SGPP2: variants seen among roughly 807,000 people sequenced by gnomAD.
The protein encoded by SGPP2 is sphingosine-1-phosphate phosphatase 2.
A neutral mutation model predicts 33.9 loss-of-function variants in SGPP2; 30 were observed. The ratio of observed to expected loss-of-function variants is 0.89; its 90% CI spans 0.66 to 1.20. The LOEUF (loss-of-function observed/expected upper bound fraction) is 1.20. Ranked by LOEUF, SGPP2 falls within the 50% of genes most tolerant of loss-of-function variation. The probability of loss-of-function intolerance (pLI) is 0.00; values close to 1 mark genes in which losing one functional copy is unlikely to be tolerated. For missense variants in SGPP2, 458 were observed against 532.1 expected (o/e 0.86, Z 1.37); for synonymous variants, 233 against 225.0 (o/e 1.04, Z -0.32).
intron 2 of SGPP2, among the ~76,000 whole-genome samples, chr2:222,486,005 G>A (rs556862609): frequency 6.6e-6 from 1 of 152,320 alleles, no homozygotes; most frequent in East Asian, 1.9e-4. Flanking sequence ...GCACAGGGTG[G>A]GGCTTCCCAG....
chr2:222,525,274 A>C (rs1467206460), intron 4 of SGPP2, among the ~76,000 whole-genome samples: 4 of 152,230 alleles, frequency 2.6e-5, no homozygotes, highest in Non-Finnish European at 5.9e-5. Flanking sequence ...AAAATGGGCT[A>C]GAACAGCGTT....
chr2:222,536,566 G>A (rs1440096041), intron 4 of SGPP2, among the ~76,000 whole-genome samples: 1 of 152,160 alleles, frequency 6.6e-6, no homozygotes, highest in Non-Finnish European at 1.5e-5. Context: ...TGTAGTCCCA[G>A]CTACTCGGGA....
At chr2:222,447,719 C>T (rs137909836) in intron 1 of SGPP2, among the ~76,000 whole-genome samples, 1 of 152,138 alleles carries the variant, frequency 6.6e-6, no homozygotes, top group Non-Finnish European at 1.5e-5. Flanking sequence ...TAATTTTCCT[C>T]CTGAGAACCT....
intron 4 of SGPP2, among the ~76,000 whole-genome samples, chr2:222,552,476 G>A (rs1214892249): frequency 6.6e-6 from 1 of 152,200 alleles, no homozygotes; most frequent in Non-Finnish European, 1.5e-5. Context: ...AGGAAAGGAT[G>A]AGAGGGGGGC....
intron 1 of SGPP2, among the ~76,000 whole-genome samples, chr2:222,447,127 A>G (rs912789252): frequency 3.9e-5 from 6 of 152,190 alleles, no homozygotes; most frequent in African/African-American, 1.2e-4. Context: ...CTCATATGCT[A>G]AGATAGCTGC....
At chr2:222,428,287 A>G (rs1405363764) in intron 1 of SGPP2, among the ~76,000 whole-genome samples, 4 of 152,220 alleles carry the variant, frequency 2.6e-5, no homozygotes, top group Non-Finnish European at 5.9e-5. Flanking sequence ...AGCAGAAGGC[A>G]GGATCCTAGG....
At position 222,445,124 on chromosome 2, in the gene SGPP2, G is replaced by A. The variant is rs115135936; in HGVS notation, c.219+20303G>A. 7.9e-3 allele frequency among the ~76,000 whole-genome samples: 1,198 copies of A among 152,276 alleles called. 16 individuals are homozygous for A. The highest frequency in any genetic ancestry group is 0.027 in the African/African-American group (1,118 of 41,548). ...CCCCCATGGGTAATGATCATCCTGT[G>A]TAAGGTGAAGATAGTAACTAATTGC... On this transcript the variant is annotated intron_variant, in intron 1 of 4. Transcript: ENST00000321276.
intron 4 of SGPP2, among the ~76,000 whole-genome samples, chr2:222,541,599 T>C (rs1278210145): frequency 9.6e-5 from 1 of 10,434 alleles, no homozygotes; most frequent in Non-Finnish European, 2.9e-4. Flanking sequence ...AACTATTTTA[T>C]TTATTTATTT....
In SGPP2 at chr2:222,465,193, T is replaced by G. The variant is rs145493992; in HGVS notation, c.220-9375T>G. 3.3e-5 allele frequency among the ~76,000 whole-genome samples: 5 copies of G among 152,278 alleles called. No individual in the cohort carries two copies. The highest frequency in any genetic ancestry group is 9.6e-5 in the African/African-American group (4 of 41,552). ...ACTCCAATAAGTTGTCCTTACATTT[T>G]ATTGACTTTCAGTCTCGCCATCCTG... On this transcript the variant is annotated intron_variant, in intron 1 of 4. Coordinates refer to ENST00000321276, the MANE Select transcript of SGPP2 (RefSeq NM_152386.4). The surrounding 1 kb of genome is among the most constrained non-coding windows in gnomAD (Gnocchi z 4.1).
intron 2 of SGPP2, among the ~76,000 whole-genome samples, chr2:222,503,657 A>G (rs751449810): frequency 2.6e-5 from 4 of 152,132 alleles, no homozygotes; most frequent in Non-Finnish European, 5.9e-5. Context: ...CTGCACCCGC[A>G]TTGTACACAG....
intron 2 of SGPP2, among the ~76,000 whole-genome samples, chr2:222,518,062 CATT>C (rs1698632652): frequency 6.6e-6 from 1 of 152,238 alleles, no homozygotes; most frequent in Admixed American, 6.5e-5. Context: ...ATCATAGCAT[CATT>C]GTCACAAATG....
At position 222,550,796 on chromosome 2, in the gene SGPP2, T is replaced by C. The variant is rs141636871; in HGVS notation, c.649-7551T>C. Among the ~76,000 whole-genome samples the C allele has an allele frequency of 3.3e-5, 5 of 152,056 alleles. No individual in the cohort carries two copies. Among genetic ancestry groups the C allele is most frequent in the African/African-American group, 9.7e-5 (4 of 41,326 alleles). On this transcript the variant is annotated intron_variant, in intron 4 of 4. Coordinates refer to ENST00000321276, the MANE Select transcript of SGPP2 (RefSeq NM_152386.4). The surrounding 1 kb of genome is among the most constrained non-coding windows in gnomAD (Gnocchi z 4.5). ...TTGCTTGTTTCTGATGTTTCTGTAA[T>C]GGAGCATGTGTTACTTTTTGGACTT...
intron 2 of SGPP2, among the ~76,000 whole-genome samples, chr2:222,495,954 TC>T (rs1559160769): frequency 6.6e-6 from 1 of 152,066 alleles, no homozygotes; most frequent in Non-Finnish European, 1.5e-5. Flanking sequence ...CCATTTCACT[TC>T]CCCACATCCA....
chr2:222,501,748 G>A (rs1698370688), intron 2 of SGPP2, among the ~76,000 whole-genome samples: 1 of 152,146 alleles, frequency 6.6e-6, no homozygotes. Flanking sequence ...AAGATATACT[G>A]AGACTGAATC....
At chr2:222,479,593 C>T (rs1401116578) in intron 2 of SGPP2, among the ~76,000 whole-genome samples, 11 of 151,506 alleles carry the variant, frequency 7.3e-5, no homozygotes, top group Non-Finnish European at 1.0e-4. Context: ...TTAGTAGAGA[C>T]GGAGTTTCAC....
chr2:222,471,760 C>A (rs1300693893), intron 1 of SGPP2, among the ~76,000 whole-genome samples: 1 of 152,162 alleles, frequency 6.6e-6, no homozygotes, highest in Admixed American at 6.5e-5. Context: ...CTCCCTGTAA[C>A]AGTGTTGTCT....
intron 4 of SGPP2, among the ~76,000 whole-genome samples, chr2:222,534,542 A>C (rs1698885440): frequency 6.6e-6 from 1 of 152,220 alleles, no homozygotes; most frequent in South Asian, 2.1e-4. Flanking sequence ...TCTGCAGACC[A>C]TACAAAACTG....
At chr2:222,458,423 G>A (rs544304453) in intron 1 of SGPP2, among the ~76,000 whole-genome samples, 1 of 152,232 alleles carries the variant, frequency 6.6e-6, no homozygotes, top group East Asian at 1.9e-4. Flanking sequence ...AGCCAGGACA[G>A]CAGAGCAGTT....
chr2:222,464,341 A>C (rs1408815441), intron 1 of SGPP2, among the ~76,000 whole-genome samples: 1 of 152,248 alleles, frequency 6.6e-6, no homozygotes, highest in African/African-American at 2.4e-5. Context: ...ATTCTCTAGC[A>C]GAAGTTCACA....
Sources: gnomAD v4.1 joint callset for allele counts (sites outside exome capture counted in the v4.1 genomes callset) on GRCh38, gnomAD v4.1.1 for gene constraint, Gnocchi (gnomAD v3.1) non-coding constraint, MANE v1.5 for transcripts, NCBI Gene and HGNC (gene_info 2026-07-23, HGNC 2026-07-21) for gene names.